BCL11B: variants seen among roughly 807,000 people sequenced by gnomAD.
BCL11B encodes B-cell lymphoma/leukemia 11B.
Under a neutral mutation model 49.9 loss-of-function variants are expected in BCL11B, and 8 were observed. The observed-to-expected ratio is 0.16, with a 90% CI of 0.09 to 0.29. BCL11B has a LOEUF of 0.29. BCL11B is among the 10% of genes least tolerant of loss of function. The pLI, the probability that BCL11B is intolerant of heterozygous loss-of-function variation, is 1.00. For missense variants in BCL11B, 1,006 were observed against 1,351.0 expected (o/e 0.74, Z 4.00); for synonymous variants, 739 against 637.4 (o/e 1.16, Z -2.40).
chr14:99,182,776 T>C (rs1052112955), intron 3 of BCL11B, among the ~76,000 whole-genome samples: 3 of 152,076 alleles, frequency 2.0e-5, no homozygotes, highest in African/African-American at 7.2e-5. Flanking sequence ...ATCCCCGCAC[T>C]CTCCCTCCAG....
rs981257357 is a variant in BCL11B at position 99,172,903 on chromosome 14, CCT to C, written c.*1246_*1247del. The C allele has an allele frequency of 3.1e-5, 7 of 228,828 alleles. No homozygotes were observed. The Admixed American group carries it at 4.0e-4, about 13-fold the overall frequency. 14.2% of individuals were successfully genotyped at this position (228,828 alleles called of 1,614,324 possible). A position where few individuals can be genotyped will look rare whatever the true frequency, so the allele number is the denominator to read the frequency against. ...GGGCACCTTCTGATGGAACTCATCC[CCT>C]GCTTTTTCAGTAAAAGAGAATAGAA... is the stretch of plus-strand genomic sequence containing the variant. On this transcript the variant is annotated 3_prime_UTR_variant, in exon 4 of 4. Coordinates refer to ENST00000357195, the MANE Select transcript of BCL11B (RefSeq NM_138576.4).
Position 99,175,487 on chromosome 14 carries a change from G to A in BCL11B, c.1349C>T (p.Thr450Met), listed in dbSNP as rs1453309074. The change falls in exon 4 of 4, where the codon ACG becomes ATG. Residue 450 changes from threonine to methionine, a missense_variant. Physicochemically the swap from Thr to Met is moderately conservative, Grantham distance 81. Transcript: ENST00000357195. ...SNLIVHRRSH[T>M]GEKPYKCQLC... ...CTGGCACTTGTAGGGCTTCTCGCCC[G>A]TGTGACTGCGCCGGTGCACGATGAG... The A allele has an allele frequency of 6.2e-7, 1 of 1,610,990 alleles. No individual in the cohort carries two copies. The highest frequency in any genetic ancestry group is 8.5e-7 in the Non-Finnish European group (1 of 1,178,558).
At position 99,244,292 on chromosome 14, in the gene BCL11B, A is replaced by AC. The variant is rs200715986; in HGVS notation, c.428-12736dup. 2.0e-3 allele frequency among the ~76,000 whole-genome samples: 294 copies of AC among 147,994 alleles called. 2 individuals are homozygous for AC. Among genetic ancestry groups the AC allele is most frequent in the Middle Eastern group, 0.017 (5 of 290 alleles). ...TCTTTCAAGCAAAACATGAACAATT[A>AC]CCCCCCCCTCACACACACACACACC... is the stretch of plus-strand genomic sequence containing the variant. On this transcript the variant is annotated intron_variant, in intron 2 of 3. Transcript: ENST00000357195.
At chr14:99,266,482 A>C (rs567418635) in intron 1 of BCL11B, among the ~76,000 whole-genome samples, 167 of 152,244 alleles carry the variant, frequency 1.1e-3, no homozygotes, top group Admixed American at 2.0e-3. Flanking sequence ...AAAGAAAGAA[A>C]GAAAATCAAA....
chr14:99,220,348 A>G (rs1284311452), intron 3 of BCL11B, among the ~76,000 whole-genome samples: 1 of 152,186 alleles, frequency 6.6e-6, no homozygotes, highest in Admixed American at 6.5e-5. Context: ...CTGTCCATCA[A>G]TGGATGGGTG....
At chr14:99,233,400 G>T (rs997874763) in intron 2 of BCL11B, among the ~76,000 whole-genome samples, 2 of 152,178 alleles carry the variant, frequency 1.3e-5, no homozygotes, top group African/African-American at 2.4e-5. Flanking sequence ...GCTGCAGCTG[G>T]GTAAGTGACC....
rs1240338799 is a variant in BCL11B at position 99,242,712 on chromosome 14, TG to T, written c.428-11156del. ...ACTAACAAGACTAATCCAGAGGTTT[TG>T]GACCCTGCCAGAGGTTATTTTATGA... On this transcript the variant is annotated intron_variant, in intron 2 of 3. Transcript: ENST00000357195. This position sits in a 1 kb window ranked among gnomAD's most constrained non-coding sequence, Gnocchi z 4.4. 3.9e-5 allele frequency among the ~76,000 whole-genome samples: 6 copies of T among 152,264 alleles called. No individual in the cohort carries two copies. The highest frequency in any genetic ancestry group is 7.3e-5 in the Non-Finnish European group (5 of 68,052).
intron 1 of BCL11B, among the ~76,000 whole-genome samples, chr14:99,265,572 C>T (rs1289578230): frequency 6.6e-6 from 1 of 152,114 alleles, no homozygotes; most frequent in Non-Finnish European, 1.5e-5. Context: ...TTGGAGATTG[C>T]TAAACTGATT....
Position 99,184,153 on chromosome 14 carries a change from G to A in BCL11B, c.641-7958C>T, listed in dbSNP as rs1483729294. ...CTGCCTGCCTTTTGCACACACCCAT[G>A]AGCTGCCCACTCGCCCTCTCGGTGC... On this transcript the variant is annotated intron_variant, in intron 3 of 3. Transcript: ENST00000357195. The surrounding 1 kb of genome is among the most constrained non-coding windows in gnomAD (Gnocchi z 6.1). Among the ~76,000 whole-genome samples, 1 of 151,956 alleles carries A rather than the reference G, an allele frequency of 6.6e-6. No individual in the cohort carries two copies. Among genetic ancestry groups the A allele is most frequent in the African/African-American group, 2.4e-5 (1 of 41,382 alleles).
At position 99,235,181 on chromosome 14, in the gene BCL11B, A is replaced by T. The variant is rs78830357; in HGVS notation, c.428-3624T>A. Reference sequence around the variant, plus strand: ...TGAAGCCTCTGGGGCGTCCCCTCCCAAATGGGAGGATTACAGATTCCATGT... The same window carrying T: ...TGAAGCCTCTGGGGCGTCCCCTCCCTAATGGGAGGATTACAGATTCCATGT... On this transcript the variant is annotated intron_variant, in intron 2 of 3. Transcript: ENST00000357195. 4.7e-3 allele frequency among the ~76,000 whole-genome samples: 713 copies of T among 152,320 alleles called. 1 individual carries two copies. The highest frequency in any genetic ancestry group is 0.027 in the Middle Eastern group (8 of 294).
intron 2 of BCL11B, among the ~76,000 whole-genome samples, chr14:99,255,407 A>G (rs1169228489): frequency 1.0e-3 from 2 of 1,972 alleles, no homozygotes; most frequent in East Asian, 0.012. Flanking sequence ...ACAACCTGGA[A>G]AAAAAAAAAA....
chr14:99,243,339 C>T (rs1392273309), intron 2 of BCL11B, among the ~76,000 whole-genome samples: 1 of 152,168 alleles, frequency 6.6e-6, no homozygotes, highest in Non-Finnish European at 1.5e-5. Flanking sequence ...TTCTTCCTTG[C>T]AGTAAAAAAT....
At position 99,176,213 on chromosome 14, in the gene BCL11B, C is replaced by A; in HGVS notation, c.641-18G>T. On this transcript the variant is annotated intron_variant, in intron 3 of 3. Transcript: ENST00000357195. ...ATCTTTACCTGGGGAAACACACGGA[C>A]AGAAAGGCAGAGACAGCGTGAGAAG... 1 of 1,605,852 alleles carries A rather than the reference C, an allele frequency of 6.2e-7. No individual in the cohort carries two copies. Among genetic ancestry groups the A allele is most frequent in the African/African-American group, 1.3e-5 (1 of 74,546 alleles).
chr14:99,214,798 C>G (rs952467943), intron 3 of BCL11B, among the ~76,000 whole-genome samples: 6 of 152,094 alleles, frequency 3.9e-5, no homozygotes, highest in Non-Finnish European at 8.8e-5. Context: ...TCCCATGGCC[C>G]CAGCAGGTGG....
chr14:99,211,907 G>T (rs1887700135), intron 3 of BCL11B, among the ~76,000 whole-genome samples: 1 of 151,786 alleles, frequency 6.6e-6, no homozygotes, highest in Non-Finnish European at 1.5e-5. Context: ...TTACTTATAA[G>T]AAGAAGAAAC....
intron 2 of BCL11B, among the ~76,000 whole-genome samples, chr14:99,252,816 G>C (rs996620592): frequency 6.6e-6 from 1 of 152,244 alleles, no homozygotes; most frequent in East Asian, 1.9e-4. Context: ...GGTTATGGAA[G>C]GGCTGAAAAC....
intron 3 of BCL11B, among the ~76,000 whole-genome samples, chr14:99,204,801 C>T (rs1386377547): frequency 4.6e-5 from 7 of 152,240 alleles, no homozygotes; most frequent in Non-Finnish European, 1.0e-4. Flanking sequence ...ATCTTCCTTC[C>T]GTCCTTGGGT....
chr14:99,263,331 C>T (rs1889391236), intron 1 of BCL11B: 1 of 153,294 alleles, frequency 6.5e-6, no homozygotes, highest in African/African-American at 2.4e-5. Flanking sequence ...ACACCTCGAT[C>T]GCCGTTTCTG....
chr14:99,196,907 G>A (rs1887195165), intron 3 of BCL11B, among the ~76,000 whole-genome samples: 1 of 152,226 alleles, frequency 6.6e-6, no homozygotes, highest in Admixed American at 6.5e-5. Context: ...CTCACCAGTT[G>A]AGATTATCAC....
Sources: allele counts gnomAD v4.1 joint callset (sites outside exome capture counted in the v4.1 genomes callset), GRCh38; gene constraint gnomAD v4.1.1; non-coding constraint Gnocchi (gnomAD v3.1); transcripts MANE v1.5; gene names NCBI Gene and HGNC (gene_info 2026-07-23, HGNC 2026-07-21).